The following NUBPL variants were observed in gnomAD, a reference collection of about 807,000 sequenced individuals.
The protein encoded by NUBPL is iron-sulfur cluster transfer protein NUBPL.
NUBPL carries 31 observed loss-of-function variants against 45.7 expected under a neutral mutation model. That is an observed-to-expected ratio of 0.68 (90% CI 0.51 to 0.92). NUBPL has a LOEUF of 0.92. Ranked by LOEUF, NUBPL falls within the 40% of genes least tolerant of loss-of-function variation. The probability of loss-of-function intolerance (pLI) is 0.00; values close to 1 mark genes in which losing one functional copy is unlikely to be tolerated. For synonymous variants in NUBPL, 144 were observed against 140.9 expected (o/e 1.02, Z -0.15); for missense variants, 401 against 398.7 (o/e 1.01, Z -0.05).
chr14:31,839,184 A>G (rs1229214814), intron 8 of NUBPL, among the ~76,000 whole-genome samples: 1 of 152,114 alleles, frequency 6.6e-6, no homozygotes, highest in Non-Finnish European at 1.5e-5. Flanking sequence ...TTAAAAGCAA[A>G]CTTTTCATTG....
chr14:31,790,666 A>G (rs1028955709), intron 7 of NUBPL, among the ~76,000 whole-genome samples: 3 of 151,868 alleles, frequency 2.0e-5, no homozygotes, highest in African/African-American at 7.3e-5. Context: ...CCTGGCTAAC[A>G]TGGTGAAACC....
intron 7 of NUBPL, among the ~76,000 whole-genome samples, chr14:31,818,322 A>G (rs999051237): frequency 6.6e-5 from 10 of 152,186 alleles, no homozygotes; most frequent in African/African-American, 2.4e-4. Flanking sequence ...AGACATCTAC[A>G]GAACTCTCCA....
At position 31,783,956 on chromosome 14, in the gene NUBPL, G is replaced by A. The variant is rs112098345; in HGVS notation, c.514-3824G>A. On this transcript the variant is annotated intron_variant, in intron 6 of 10. Transcript: ENST00000281081. ...AACCCAGAGACGTGTCAGTCTGCCG[G>A]TGCTAGGAGTTTTAGTGCCAAGAAT... 4.3e-4 allele frequency among the ~76,000 whole-genome samples: 65 copies of A among 152,288 alleles called. 1 individual carries two copies. The highest frequency in any genetic ancestry group is 1.4e-3 in the African/African-American group (58 of 41,562).
intron 10 of NUBPL, among the ~76,000 whole-genome samples, 161 bp from the exon 11 acceptor site, chr14:31,858,957 C>A (rs764168577): frequency 6.6e-6 from 1 of 152,142 alleles, no homozygotes; most frequent in Admixed American, 6.5e-5. Flanking sequence ...TTCCTTGTGC[C>A]GCCTGCAATA....
chr14:31,661,154 G>A (rs979408477), intron 4 of NUBPL, among the ~76,000 whole-genome samples: 1 of 152,224 alleles, frequency 6.6e-6, no homozygotes, highest in African/African-American at 2.4e-5. Flanking sequence ...TTGTAATAGA[G>A]TGAGAAGGAT....
At chr14:31,795,269 A>G (rs2039461807) in intron 7 of NUBPL, among the ~76,000 whole-genome samples, 1 of 149,294 alleles carries the variant, frequency 6.7e-6, no homozygotes, top group African/African-American at 2.5e-5. Context: ...TTCTGTGAAG[A>G]AAGTCATTGG....
intron 4 of NUBPL, among the ~76,000 whole-genome samples, chr14:31,646,760 T>C (rs981777952): frequency 6.6e-6 from 1 of 152,154 alleles, no homozygotes; most frequent in African/African-American, 2.4e-5. Flanking sequence ...CTTTGTAGCA[T>C]TTGGAATGTT....
intron 8 of NUBPL, among the ~76,000 whole-genome samples, chr14:31,831,488 C>CATACCATACT (rs71115033): frequency 7.9e-5 from 12 of 151,460 alleles, no homozygotes; most frequent in Non-Finnish European, 1.5e-4. Flanking sequence ...CATACCATAC[C>CATACCATACT]ATACCATACC....
intron 6 of NUBPL, among the ~76,000 whole-genome samples, chr14:31,781,027 C>T (rs1486573204): frequency 6.6e-6 from 1 of 152,198 alleles, no homozygotes; most frequent in Non-Finnish European, 1.5e-5. Context: ...CCCTTTGAGG[C>T]TCTCCAGGGG....
At chr14:31,592,493 A>C (rs1485901139) in intron 3 of NUBPL, among the ~76,000 whole-genome samples, 1 of 152,186 alleles carries the variant, frequency 6.6e-6, no homozygotes, top group African/African-American at 2.4e-5. Context: ...TGAGGTTGTC[A>C]GATTTAGCAA....
At chr14:31,609,314 TAAG>T (rs1026022702) in intron 4 of NUBPL, among the ~76,000 whole-genome samples, 1 of 152,114 alleles carries the variant, frequency 6.6e-6, no homozygotes, top group Non-Finnish European at 1.5e-5. Flanking sequence ...CAAAAATCTA[TAAG>T]AAGAGACAAA....
intron 4 of NUBPL, among the ~76,000 whole-genome samples, chr14:31,614,109 A>C (rs1393455772): frequency 6.6e-6 from 1 of 152,158 alleles, no homozygotes; most frequent in Non-Finnish European, 1.5e-5. Context: ...AATGCTGGTC[A>C]GTTTTAAATA....
intron 6 of NUBPL, among the ~76,000 whole-genome samples, chr14:31,760,180 A>AGAGAGAGAGAGAGAGG (rs2038775157): frequency 1.4e-5 from 2 of 147,458 alleles, no homozygotes; most frequent in African/African-American, 5.0e-5. Flanking sequence ...AGAGAGAGAG[A>AGAGAGAGAGAGAGAGG]GACAGGGTGT....
At chr14:31,759,153 C>G (rs984856935) in intron 6 of NUBPL, among the ~76,000 whole-genome samples, 6 of 151,900 alleles carry the variant, frequency 3.9e-5, no homozygotes, top group African/African-American at 1.2e-4. Flanking sequence ...GGCTCCTTGC[C>G]AGGACAGTTT....
At chr14:31,797,676 G>T (rs1224589068) in intron 7 of NUBPL, among the ~76,000 whole-genome samples, 2 of 133,870 alleles carry the variant, frequency 1.5e-5, no homozygotes, top group Admixed American at 7.5e-5. Flanking sequence ...GATGGGTCTT[G>T]ACTCTTTATC....
At chr14:31,682,096 T>C (rs1420844827) in intron 6 of NUBPL, among the ~76,000 whole-genome samples, 1 of 152,122 alleles carries the variant, frequency 6.6e-6, no homozygotes, top group African/African-American at 2.4e-5. Context: ...TTTGTCTAGT[T>C]ACTGTATAAA....
At chr14:31,815,347 G>C (rs980551366) in intron 7 of NUBPL, among the ~76,000 whole-genome samples, 5 of 152,014 alleles carry the variant, frequency 3.3e-5, no homozygotes, top group Non-Finnish European at 7.4e-5. Context: ...GTCTGTTATT[G>C]GTATATAGGC....
intron 8 of NUBPL, among the ~76,000 whole-genome samples, chr14:31,842,031 C>T (rs1469764040): frequency 2.7e-5 from 4 of 146,282 alleles, no homozygotes; most frequent in Admixed American, 7.0e-5. Flanking sequence ...CCCAGGTTCA[C>T]GCCATTCTCC....
chr14:31,820,942 G>A (rs1323060372), intron 7 of NUBPL, among the ~76,000 whole-genome samples: 2 of 151,528 alleles, frequency 1.3e-5, no homozygotes. Flanking sequence ...CCAACATGGA[G>A]AAACCCCATC....
Sources: allele counts gnomAD v4.1 joint callset (sites outside exome capture counted in the v4.1 genomes callset), GRCh38; gene constraint gnomAD v4.1.1; transcripts MANE v1.5; gene names NCBI Gene and HGNC (gene_info 2026-07-23, HGNC 2026-07-21).